The following ORC5 variants were observed in gnomAD, a reference collection of about 807,000 sequenced individuals.
The protein encoded by ORC5 is protein phosphatase 1, regulatory subunit 117.
In ORC5, 39 loss-of-function variants were observed where a neutral mutation model predicts 58.8. The ratio of observed to expected loss-of-function variants is 0.66; its 90% confidence interval spans 0.51 to 0.87. ORC5 has a LOEUF of 0.87. Among genes scored for constraint, ORC5 ranks in the 40% least tolerant of loss-of-function variants. The probability of loss-of-function intolerance (pLI) is 0.00; values close to 1 mark genes in which losing one functional copy is unlikely to be tolerated. For missense variants in ORC5, 493 were observed against 506.3 expected, an observed-to-expected ratio of 0.97 and a Z score of 0.25; for synonymous variants, 218 against 177.6, an observed-to-expected ratio of 1.23 and a Z score of -1.81.
intron 13 of ORC5, among the ~76,000 whole-genome samples, chr7:104,135,060 T>C (rs1798568559): frequency 6.6e-6 from 1 of 152,206 alleles, no homozygotes; most frequent in South Asian, 2.1e-4. Context: ...CATCCATCAC[T>C]GTGATGCTCT....
At position 104,168,470 on chromosome 7, in the gene ORC5, T is replaced by C; in HGVS notation, c.877+3A>G. The C allele has an allele frequency of 6.2e-7, 1 of 1,608,114 alleles. No homozygotes were observed. Among genetic ancestry groups the C allele is most frequent in the Non-Finnish European group, 8.5e-7 (1 of 1,177,826 alleles). The stretch of plus-strand genomic sequence containing the variant: ...GTAACTGTCTCAATACTTCCTCTGA[T>C]ACCTTTCAGTTGCCCCGGATCTGTG... On this transcript the variant is annotated splice_donor_region_variant and intron_variant, in intron 9 of 13. Coordinates refer to ENST00000297431, the MANE Select transcript of ORC5 (RefSeq NM_002553.4).
chr7:104,204,908 T>G (rs1005605466), intron 1 of ORC5, among the ~76,000 whole-genome samples: 1 of 152,168 alleles, frequency 6.6e-6, no homozygotes, highest in African/African-American at 2.4e-5. Flanking sequence ...TAGTTAATAC[T>G]ACAAATACTT....
chr7:104,186,308 C>T (rs12705192), intron 6 of ORC5, among the ~76,000 whole-genome samples: 64,544 of 151,770 alleles, frequency 0.43, 16,050 homozygotes, highest in Non-Finnish European at 0.57. Context: ...AACTTTTTTA[C>T]ACTCAGGTTC....
intron 1 of ORC5, among the ~76,000 whole-genome samples, chr7:104,206,132 T>C (rs1562833587): frequency 6.6e-6 from 1 of 152,242 alleles, no homozygotes; most frequent in East Asian, 1.9e-4. Flanking sequence ...CCTAGAATTA[T>C]ATTGAACTGT....
intron 13 of ORC5, among the ~76,000 whole-genome samples, chr7:104,132,450 G>A (rs1446331996): frequency 1.3e-5 from 2 of 152,122 alleles, no homozygotes; most frequent in Admixed American, 6.5e-5. Context: ...TGCCACAGGT[G>A]TCTGGAATGA....
intron 5 of ORC5, among the ~76,000 whole-genome samples, chr7:104,188,864 G>A (rs7805635): frequency 0.044 from 6,740 of 152,000 alleles, 484 homozygotes; most frequent in African/African-American, 0.15. Flanking sequence ...GTTTCAAAGT[G>A]TGCAGCACTT....
intron 5 of ORC5, among the ~76,000 whole-genome samples, chr7:104,193,677 C>A (rs990831529): frequency 6.6e-6 from 1 of 151,436 alleles, no homozygotes; most frequent in Non-Finnish European, 1.5e-5. Flanking sequence ...AATTAATATT[C>A]CCCTTCTGAA....
rs750553540 is a variant in ORC5, at chr7:104,136,895, TA to T, written c.1150-3del. On this transcript the variant is annotated splice_region_variant and splice_polypyrimidine_tract_variant and intron_variant, in intron 12 of 13. Transcript: ENST00000297431. This position sits in a 1 kb window ranked among gnomAD's most constrained non-coding sequence, Gnocchi z 4.2. ...CTGAAGGGTCACTAGAGAGGTAATCTAAAAGAGAACATTTTTATAAGAAACT... is the reference window on the plus strand; with the variant it reads ...CTGAAGGGTCACTAGAGAGGTAATCTAAAGAGAACATTTTTATAAGAAACT... 6.2e-7 allele frequency: 1 copy of T among 1,600,140 alleles called. No homozygotes were observed. The highest frequency in any genetic ancestry group is 1.1e-5 in the South Asian group (1 of 90,712).
chr7:104,159,520 CAA>C (rs200032572), intron 12 of ORC5, among the ~76,000 whole-genome samples: 52 of 125,520 alleles, frequency 4.1e-4, no homozygotes, highest in Non-Finnish European at 4.8e-4. Context: ...TAGAGAAAGC[CAA>C]AAAAAAAAAA....
intron 8 of ORC5, among the ~76,000 whole-genome samples, chr7:104,177,126 C>T (rs1322314676): frequency 6.6e-6 from 1 of 152,160 alleles, no homozygotes; most frequent in South Asian, 2.1e-4. Flanking sequence ...TAATGACTAG[C>T]CTTGCCTAAT....
intron 12 of ORC5, among the ~76,000 whole-genome samples, chr7:104,154,003 A>G (rs1798885113): frequency 6.6e-6 from 1 of 152,140 alleles, no homozygotes; most frequent in Non-Finnish European, 1.5e-5. Context: ...CATAAAATTT[A>G]TTTAAAGTGC....
chr7:104,138,186 T>A lies in ORC5; in HGVS notation c.1150-1293A>T, dbSNP rs1798620364. ...GGATTACTGGTGTGAGTCACTGCAC[T>A]CAGCCCAACCAAGATTCCTAGCTCA... On this transcript the variant is annotated intron_variant, in intron 12 of 13. Transcript: ENST00000297431. The surrounding 1 kb of genome is among the most constrained non-coding windows in gnomAD (Gnocchi z 4.7). Among the ~76,000 whole-genome samples the A allele has an allele frequency of 6.6e-6, 1 of 152,166 alleles. No homozygotes were observed. Among genetic ancestry groups the A allele is most frequent in the Admixed American group, 6.5e-5 (1 of 15,278 alleles).
chr7:104,167,348 G>C (rs776398112), intron 9 of ORC5, among the ~76,000 whole-genome samples: 2 of 152,130 alleles, frequency 1.3e-5, no homozygotes, highest in African/African-American at 2.4e-5. Flanking sequence ...ACTTGTATAT[G>C]CCAGTTGAAC....
Position 104,161,056 on chromosome 7 carries a change from C to A in ORC5, c.1149+16G>T. On this transcript the variant is annotated intron_variant, in intron 12 of 13. Transcript: ENST00000297431. Reference sequence around the variant, plus strand: ...TCCCACAAAGATGACAGATAATAATCTATGATTAAGCTTACCTGGGAAAAA... The same window carrying A: ...TCCCACAAAGATGACAGATAATAATATATGATTAAGCTTACCTGGGAAAAA... The A allele has an allele frequency of 7.8e-7, 1 of 1,278,118 alleles. No individual in the cohort carries two copies. The highest frequency in any genetic ancestry group is 1.1e-6 in the Non-Finnish European group (1 of 874,864). 79.2% of individuals were successfully genotyped at this position (1,278,118 alleles called of 1,614,324 possible).
In ORC5 at chr7:104,175,876, T is replaced by A. The variant is rs557024174; in HGVS notation, c.825-7351A>T. Among the ~76,000 whole-genome samples, 36 of 152,322 alleles carry A rather than the reference T, an allele frequency of 2.4e-4. No homozygotes were observed. The East Asian group carries it at 6.6e-3, about 28-fold the overall frequency. ...ACTAATTCTAGGATACTTGGAGATTTTTTTCTTATATAATTCAGCTAGTCC... is the reference window on the plus strand; with the variant it reads ...ACTAATTCTAGGATACTTGGAGATTATTTTCTTATATAATTCAGCTAGTCC... On this transcript the variant is annotated intron_variant, in intron 8 of 13. Coordinates refer to ENST00000297431, the MANE Select transcript of ORC5 (RefSeq NM_002553.4).
rs373015920 is a variant in ORC5 at position 104,166,694 on chromosome 7, A to T, written c.990+78T>A. ...CTTATTCTAATCTCTTCCCCTTAGAAATTTACAAGTGTTAAGAAATTTCAA... is the reference window on the plus strand; with the variant it reads ...CTTATTCTAATCTCTTCCCCTTAGATATTTACAAGTGTTAAGAAATTTCAA... On this transcript the variant is annotated intron_variant, in intron 10 of 13. Transcript: ENST00000297431. 86 of 790,394 alleles carry T rather than the reference A, an allele frequency of 1.1e-4. No individual in the cohort carries two copies. The East Asian group carries it at 2.1e-3, about 19-fold the overall frequency. 49.0% of individuals were successfully genotyped at this position (790,394 alleles called of 1,614,324 possible).
chr7:104,135,898 C>G (rs780681274), intron 13 of ORC5, among the ~76,000 whole-genome samples: 1 of 152,086 alleles, frequency 6.6e-6, no homozygotes, highest in Non-Finnish European at 1.5e-5. Flanking sequence ...ATGGATTGCC[C>G]TGTTCACTCT....
At chr7:104,179,265 T>C (rs1256086241) in intron 8 of ORC5, among the ~76,000 whole-genome samples, 1 of 152,052 alleles carries the variant, frequency 6.6e-6, no homozygotes, top group East Asian at 1.9e-4. Context: ...AAGGATAAAT[T>C]TGAGAAATAA....
intron 8 of ORC5, among the ~76,000 whole-genome samples, chr7:104,180,457 T>C (rs978622349): frequency 2.6e-5 from 4 of 152,178 alleles, no homozygotes; most frequent in Admixed American, 6.5e-5. Flanking sequence ...CCTCTGATTA[T>C]CATTCTGGTT....
Sources: gnomAD v4.1 joint callset for allele counts (sites outside exome capture counted in the v4.1 genomes callset) on GRCh38, gnomAD v4.1.1 for gene constraint, Gnocchi (gnomAD v3.1) non-coding constraint, MANE v1.5 for transcripts, NCBI Gene and HGNC (gene_info 2026-07-23, HGNC 2026-07-21) for gene names.